GALNT13: variants seen among roughly 807,000 people sequenced by gnomAD.
GALNT13 encodes polypeptide N-acetylgalactosaminyltransferase 13, also known as UDP-GalNAc:polypeptide N-acetylgalactosaminyltransferase 13.
In GALNT13, 28 loss-of-function variants were observed where a neutral mutation model predicts 64.2. The observed-to-expected ratio is 0.44, with a 90% confidence interval of 0.32 to 0.60. The LOEUF is 0.60. Among genes scored for constraint, GALNT13 ranks in the 20% least tolerant of loss-of-function variants. The pLI is 0.05. For synonymous variants in GALNT13, 214 were observed against 224.6 expected (o/e 0.95, Z 0.42); for missense variants, 577 against 669.8 (o/e 0.86, Z 1.53).
chr2:153,328,321 C>A, the GALNT13 span, among the ~76,000 whole-genome samples: 42,866 of 152,154 alleles, frequency 0.28, 7,632 homozygotes, highest in Non-Finnish European at 0.4. Context: ...CTTAGCAGAC[C>A]TGCAGTGCTG....
chr2:153,649,171 C>A, the GALNT13 span, among the ~76,000 whole-genome samples: 8 of 152,148 alleles, frequency 5.3e-5, no homozygotes, highest in African/African-American at 1.2e-4. Context: ...AGAGATTCAA[C>A]TTCTTCCTGG....
the GALNT13 span, among the ~76,000 whole-genome samples, chr2:153,483,049 A>G: frequency 6.6e-6 from 1 of 152,240 alleles, no homozygotes; most frequent in Non-Finnish European, 1.5e-5. Context: ...AAAGATTTCC[A>G]TATAAAATGG....
At chr2:154,085,877 A>C (rs1701495076) in intron 3 of GALNT13, among the ~76,000 whole-genome samples, 2 of 151,980 alleles carry the variant, frequency 1.3e-5, no homozygotes, top group African/African-American at 4.8e-5. Flanking sequence ...CTTCTTGGAC[A>C]ACAGAGTGGG....
intron 11 of GALNT13, among the ~76,000 whole-genome samples, chr2:154,422,734 A>G (rs983522414): frequency 6.6e-6 from 1 of 152,182 alleles, no homozygotes; most frequent in African/African-American, 2.4e-5. Flanking sequence ...CCAAGGAATG[A>G]TCAAAGTGGT....
intron 4 of GALNT13, among the ~76,000 whole-genome samples, chr2:154,166,522 G>A (rs1685033019): frequency 6.6e-6 from 1 of 152,210 alleles, no homozygotes; most frequent in African/African-American, 2.4e-5. Flanking sequence ...CTTTTACACT[G>A]TTGGTAGGAC....
chr2:154,247,562 A>G (rs1689845851), intron 7 of GALNT13, among the ~76,000 whole-genome samples: 1 of 152,084 alleles, frequency 6.6e-6, no homozygotes, highest in Non-Finnish European at 1.5e-5. Flanking sequence ...ACGGAAGATA[A>G]CTAAGAGGTA....
chr2:153,726,605 A>G, the GALNT13 span, among the ~76,000 whole-genome samples: 2 of 152,190 alleles, frequency 1.3e-5, no homozygotes, highest in Non-Finnish European at 2.9e-5. Flanking sequence ...ATATGTACGA[A>G]TAAACCACGT....
Position 153,891,013 on chromosome 2 carries a change from A to G in GALNT13, c.-176-9923A>G, listed in dbSNP as rs149633880. ...GGTACATATAATTTTGCCTATTCCT[A>G]TACTTGAATAAATTCTTTCTTCTAC... On this transcript the variant is annotated intron_variant, in intron 1 of 12. Coordinates refer to ENST00000392825, the MANE Select transcript of GALNT13 (RefSeq NM_052917.4). Among the ~76,000 whole-genome samples, 14 of 152,104 alleles carry G rather than the reference A, an allele frequency of 9.2e-5. No individual in the cohort carries two copies. The East Asian group carries it at 1.7e-3, about 19-fold the overall frequency.
intron 3 of GALNT13, among the ~76,000 whole-genome samples, chr2:153,995,921 G>A (rs1272491875): frequency 6.6e-6 from 1 of 152,084 alleles, no homozygotes; most frequent in South Asian, 2.1e-4. Context: ...GTGAAATCTT[G>A]CAGTATTTGC....
At chr2:153,484,005 T>C in the GALNT13 span, among the ~76,000 whole-genome samples, 1 of 152,174 alleles carries the variant, frequency 6.6e-6, no homozygotes, top group Admixed American at 6.5e-5. Flanking sequence ...GAATTGTACA[T>C]ATAAAAATTG....
At chr2:154,311,440 T>A (rs1694034468) in intron 9 of GALNT13, among the ~76,000 whole-genome samples, 2 of 151,112 alleles carry the variant, frequency 1.3e-5, no homozygotes, top group Non-Finnish European at 2.9e-5. Flanking sequence ...TATTAGGGAG[T>A]TTCAAAAGGG....
intron 3 of GALNT13, among the ~76,000 whole-genome samples, chr2:153,952,563 G>A (rs1365511279): frequency 3.3e-5 from 5 of 152,048 alleles, no homozygotes; most frequent in Non-Finnish European, 5.9e-5. Context: ...TAGAAACTCC[G>A]GAGGTTTCTT....
chr2:153,251,709 G>A, the GALNT13 span, among the ~76,000 whole-genome samples: 17 of 147,918 alleles, frequency 1.1e-4, no homozygotes, highest in African/African-American at 4.0e-4. Flanking sequence ...GTATGAGTGA[G>A]AATATGCGGT....
intron 9 of GALNT13, among the ~76,000 whole-genome samples, chr2:154,357,620 G>T (rs1696824886): frequency 6.6e-6 from 1 of 152,060 alleles, no homozygotes; most frequent in African/African-American, 2.4e-5. Context: ...CATTAGGCAA[G>T]CTTATCAAAT....
the GALNT13 span, among the ~76,000 whole-genome samples, chr2:153,181,651 T>G: frequency 3.4e-5 from 5 of 146,422 alleles, no homozygotes; most frequent in African/African-American, 1.2e-4. Flanking sequence ...TTATATTATA[T>G]ATTAAATTTA....
the GALNT13 span, among the ~76,000 whole-genome samples, chr2:153,116,880 A>G: frequency 2.8e-5 from 4 of 145,050 alleles, no homozygotes; most frequent in Non-Finnish European, 4.5e-5. Flanking sequence ...GCTCACTGCA[A>G]GCTCTGCCTC....
At chr2:153,871,617 C>T (rs934349357), upstream of GALNT13, among the ~76,000 whole-genome samples, 2 of 152,196 alleles carry the variant, frequency 1.3e-5, no homozygotes, top group Admixed American at 6.5e-5. Context: ...AGGCGCCCTC[C>T]GGCGAGAGGA....
the GALNT13 span, among the ~76,000 whole-genome samples, chr2:153,372,573 G>C: frequency 5.3e-5 from 8 of 152,024 alleles, no homozygotes; most frequent in African/African-American, 1.7e-4. Context: ...TTGAACCAGG[G>C]GGGCAGAGGT....
chr2:153,700,299 T>C, the GALNT13 span, among the ~76,000 whole-genome samples: 1 of 152,318 alleles, frequency 6.6e-6, no homozygotes, highest in South Asian at 2.1e-4. Context: ...CAACATCTCT[T>C]TATGTTAAAA....
Sources: gnomAD v4.1 joint callset for allele counts (sites outside exome capture counted in the v4.1 genomes callset) on GRCh38, gnomAD v4.1.1 for gene constraint, MANE v1.5 for transcripts, NCBI Gene and HGNC (gene_info 2026-07-23, HGNC 2026-07-21) for gene names.